PDZRN3: variants seen among roughly 807,000 people sequenced by gnomAD.
PDZRN3 encodes the protein E3 ubiquitin-protein ligase PDZRN3.
PDZRN3 carries 38 observed loss-of-function variants against 85.7 expected under a neutral mutation model. The ratio of observed to expected loss-of-function variants is 0.44; its 90% CI spans 0.34 to 0.58. The LOEUF (loss-of-function observed/expected upper bound fraction) is 0.58. Among genes scored for constraint, PDZRN3 ranks in the 20% least tolerant of loss-of-function variants. PDZRN3 has a pLI of 0.01. For synonymous variants in PDZRN3, 759 were observed against 638.0 expected, an observed-to-expected ratio of 1.19 and a Z score of -2.86; for missense variants, 1,629 against 1,506.4, an observed-to-expected ratio of 1.08 and a Z score of -1.35.
At chr3:73,525,901 C>T (rs1334570932) in intron 3 of PDZRN3, among the ~76,000 whole-genome samples, 3 of 152,184 alleles carry the variant, frequency 2.0e-5, no homozygotes, top group Non-Finnish European at 2.9e-5. Flanking sequence ...ATGTTTGCTT[C>T]GCTTCTGTCC....
At chr3:73,404,072 TCACCACATAG>T in intron 4 of PDZRN3, 66 bp downstream of exon 4, 1 of 1,428,980 alleles carries the variant, frequency 7.0e-7, no homozygotes, top group Non-Finnish European at 9.5e-7. Context: ...TTAATTTTTT[TCACCACATAG>T]AAGAGAAAGA....
chr3:73,608,737 T>C, intron 1 of PDZRN3, 53 bp from the exon 2 acceptor site: 6 of 1,101,328 alleles, frequency 5.4e-6, no homozygotes, highest in Non-Finnish European at 8.2e-6. Flanking sequence ...GAATAGATGG[T>C]AGGAATTTTC....
intron 3 of PDZRN3, among the ~76,000 whole-genome samples, chr3:73,418,383 T>G (rs1243697766): frequency 6.6e-6 from 1 of 152,194 alleles, no homozygotes; most frequent in Non-Finnish European, 1.5e-5. Flanking sequence ...TGATACATGC[T>G]GGGAATCAAA....
At chr3:73,542,054 G>A (rs1704936994) in intron 3 of PDZRN3, among the ~76,000 whole-genome samples, 1 of 152,166 alleles carries the variant, frequency 6.6e-6, no homozygotes, top group Non-Finnish European at 1.5e-5. Context: ...AAAAAGAGAA[G>A]ATAAGAATAA....
At chr3:73,598,406 T>C (rs1329713108) in intron 3 of PDZRN3, among the ~76,000 whole-genome samples, 1 of 152,154 alleles carries the variant, frequency 6.6e-6, no homozygotes, top group Non-Finnish European at 1.5e-5. Context: ...GCAATAAGTA[T>C]ATGCAATCAA....
intron 3 of PDZRN3, among the ~76,000 whole-genome samples, chr3:73,449,843 G>A (rs533189414): frequency 3.7e-4 from 56 of 152,284 alleles, no homozygotes; most frequent in African/African-American, 1.1e-3. Context: ...AGTCTGGGGT[G>A]TAAGAAAAGC....
At chr3:73,485,165 T>G (rs758332906) in intron 3 of PDZRN3, among the ~76,000 whole-genome samples, 5 of 152,092 alleles carry the variant, frequency 3.3e-5, no homozygotes, top group Non-Finnish European at 5.9e-5. Context: ...ATTGCGGTTT[T>G]GCCACTGAGT....
In PDZRN3 at chr3:73,500,309, A is replaced by G. The variant is rs1013057725; in HGVS notation, c.919-95914T>C. Among the ~76,000 whole-genome samples, 5 of 152,234 alleles carry G rather than the reference A, an allele frequency of 3.3e-5. No homozygotes were observed. The East Asian group carries it at 5.8e-4, about 18-fold the overall frequency. ...AGCAATTCTCCAACCTCAGCCTCCT[A>G]AAGTGCTGGGATTATAGGCATGAGC... On this transcript the variant is annotated intron_variant, in intron 3 of 9. Coordinates refer to ENST00000263666, the MANE Select transcript of PDZRN3 (RefSeq NM_015009.3).
chr3:73,443,581 G>A (rs1001363339), intron 3 of PDZRN3, among the ~76,000 whole-genome samples: 1 of 149,136 alleles, frequency 6.7e-6, no homozygotes, highest in Non-Finnish European at 1.5e-5. Context: ...GAACTCTCGG[G>A]CTCAAGCTAT....
At chr3:73,547,604 G>C (rs1174488872) in intron 3 of PDZRN3, among the ~76,000 whole-genome samples, 1 of 152,238 alleles carries the variant, frequency 6.6e-6, no homozygotes, top group Non-Finnish European at 1.5e-5. Context: ...ACAGAGAGAA[G>C]AGGCTCAGCT....
intron 3 of PDZRN3, among the ~76,000 whole-genome samples, chr3:73,492,956 G>C (rs1164427652): frequency 6.8e-6 from 1 of 147,274 alleles, no homozygotes; most frequent in Non-Finnish European, 1.5e-5. Flanking sequence ...GTACTCTTAG[G>C]GTTAGACTAG....
intron 3 of PDZRN3, chr3:73,569,134 T>C: frequency 3.1e-6 from 4 of 1,280,602 alleles, no homozygotes; most frequent in Non-Finnish European, 4.1e-6. Flanking sequence ...ACACCCCTTT[T>C]CATCACATTG....
chr3:73,387,494 T>TA (rs1187598919), intron 8 of PDZRN3, among the ~76,000 whole-genome samples: 2 of 152,228 alleles, frequency 1.3e-5, no homozygotes, highest in Non-Finnish European at 2.9e-5. Flanking sequence ...CTCCTGTGTG[T>TA]AAAGTGCTCC....
rs1200616568 is a variant in PDZRN3, at chr3:73,462,932, G to C, written c.919-58537C>G. Reference sequence around the variant, plus strand: ...AGAATCAGGATTCACAGCCAGGTCTGTCTTGCTTCCAAACCCTGTGCTCTT... The same window carrying C: ...AGAATCAGGATTCACAGCCAGGTCTCTCTTGCTTCCAAACCCTGTGCTCTT... On this transcript the variant is annotated intron_variant, in intron 3 of 9. Transcript: ENST00000263666. 2.0e-5 allele frequency among the ~76,000 whole-genome samples: 3 copies of C among 152,304 alleles called. No individual in the cohort carries two copies. The East Asian group carries it at 5.8e-4, about 29-fold the overall frequency.
chr3:73,598,286 A>AC (rs1702460138), intron 3 of PDZRN3, among the ~76,000 whole-genome samples: 1 of 152,244 alleles, frequency 6.6e-6, no homozygotes, highest in African/African-American at 2.4e-5. Context: ...TCTTTAAAAT[A>AC]TAGTTCAGAC....
At chr3:73,453,404 C>CAAAAA (rs1184407369) in intron 3 of PDZRN3, among the ~76,000 whole-genome samples, 18 of 97,516 alleles carry the variant, frequency 1.8e-4, no homozygotes, top group African/African-American at 4.3e-4. Context: ...GACTTCGTCT[C>CAAAAA]AAAAAAAAAA....
chr3:73,388,292 T>TTCATGAG lies in PDZRN3; in HGVS notation c.1417-230_1417-224dup, dbSNP rs1412257154. The TTCATGAG allele has an allele frequency of 2.7e-5, 11 of 404,968 alleles. No homozygotes were observed. The East Asian group carries it at 4.2e-4, about 15-fold the overall frequency. The allele number at this position is 404,968 out of a possible 1,614,324, so 25.1% of individuals were successfully genotyped here. A position where few individuals can be genotyped will look rare whatever the true frequency, so the allele number is the denominator to read the frequency against. The stretch of plus-strand genomic sequence containing the variant: ...TATAAGGGAGCCTCCATGAGTATAG[T>TTCATGAG]TCATGAGGTGACTGTGATGTGTGGG... On this transcript the variant is annotated intron_variant, in intron 7 of 9. Transcript: ENST00000263666.
chr3:73,579,614 A>T (rs976415465), intron 3 of PDZRN3, among the ~76,000 whole-genome samples: 1 of 152,240 alleles, frequency 6.6e-6, no homozygotes, highest in African/African-American at 2.4e-5. Context: ...CCACATTTGT[A>T]AATGACAGGG....
intron 3 of PDZRN3, chr3:73,593,919 A>G (rs984375638): frequency 1.9e-4 from 29 of 152,090 alleles, no homozygotes; most frequent in Admixed American, 1.3e-4. Flanking sequence ...GCATCATACC[A>G]TGTTTTATTT....
Sources: gnomAD v4.1 joint callset for allele counts (sites outside exome capture counted in the v4.1 genomes callset) on GRCh38, gnomAD v4.1.1 for gene constraint, MANE v1.5 for transcripts, NCBI Gene and HGNC (gene_info 2026-07-23, HGNC 2026-07-21) for gene names.